Variants in CDON observed in about 807,000 individuals in gnomAD.
CDON encodes cell adhesion molecule-related/down-regulated by oncogenes.
A neutral mutation model predicts 120.9 loss-of-function variants in CDON; 73 were observed. The observed-to-expected ratio is 0.60, with a 90% CI of 0.50 to 0.73. The LOEUF (loss-of-function observed/expected upper bound fraction) is 0.73. CDON is among the 30% of genes least tolerant of loss of function. CDON has a pLI of 0.00. For missense variants in CDON, 1,470 were observed against 1,587.3 expected (o/e 0.93, Z 1.26); for synonymous variants, 566 against 573.5 (o/e 0.99, Z 0.19).
intron 18 of CDON, among the ~76,000 whole-genome samples, chr11:125,967,949 T>C (rs1277265773): frequency 6.6e-6 from 1 of 152,344 alleles, no homozygotes; most frequent in East Asian, 1.9e-4. Flanking sequence ...CTTGAACTCC[T>C]AGGCTCAGGC....
At position 126,053,358 on chromosome 11, in the gene CDON, T is replaced by C. The variant is rs182414761; in HGVS notation, c.-62+9221A>G. Among the ~76,000 whole-genome samples the C allele has an allele frequency of 7.9e-5, 12 of 152,310 alleles. No individual in the cohort carries two copies. The East Asian group carries it at 2.3e-3, about 29-fold the overall frequency. On this transcript the variant is annotated intron_variant, in intron 1 of 19. Coordinates refer to ENST00000531738, the MANE Select transcript of CDON (RefSeq NM_001378964.1). The stretch of plus-strand genomic sequence containing the variant: ...CAGATTTAGTAGTCCCAGGGTTTAC[T>C]GGAACTACTGCTCGGATGCTAGGAC...
At chr11:125,963,426 G>A (rs953213652) in intron 18 of CDON, among the ~76,000 whole-genome samples, 5 of 152,264 alleles carry the variant, frequency 3.3e-5, no homozygotes, top group African/African-American at 1.2e-4. Context: ...GCTAGATAAC[G>A]TTAGGCAATG....
chr11:126,039,060 A>C (rs919481673), intron 1 of CDON, among the ~76,000 whole-genome samples: 5 of 152,224 alleles, frequency 3.3e-5, no homozygotes, highest in Admixed American at 2.6e-4. Context: ...CCCTAAAACG[A>C]AGAGAGCTAT....
intron 7 of CDON, among the ~76,000 whole-genome samples, chr11:126,014,009 CT>C (rs1488296743): frequency 6.6e-6 from 1 of 151,914 alleles, no homozygotes; most frequent in Non-Finnish European, 1.5e-5. Context: ...ATTATGATTT[CT>C]TTTTTTGATC....
chr11:126,030,894 C>T (rs1236302460), intron 1 of CDON, among the ~76,000 whole-genome samples: 1 of 152,168 alleles, frequency 6.6e-6, no homozygotes, highest in Non-Finnish European at 1.5e-5. Context: ...TCATTTCCTA[C>T]ACAAACTTCT....
chr11:126,053,339 T>G (rs1948611297), intron 1 of CDON, among the ~76,000 whole-genome samples: 1 of 152,212 alleles, frequency 6.6e-6, no homozygotes, highest in Non-Finnish European at 1.5e-5. Context: ...CCTCCAGATT[T>G]AGTAGTCCCA....
chr11:125,972,027 G>A (rs747385374), intron 18 of CDON, among the ~76,000 whole-genome samples: 24 of 152,182 alleles, frequency 1.6e-4, no homozygotes, highest in Non-Finnish European at 3.1e-4. Context: ...ATGGCACAAG[G>A]ATTTCTTGAT....
intron 1 of CDON, among the ~76,000 whole-genome samples, chr11:126,037,394 C>T (rs1235991699): frequency 6.6e-6 from 1 of 152,080 alleles, no homozygotes; most frequent in Non-Finnish European, 1.5e-5. Flanking sequence ...CCCACTGCAC[C>T]CAGCCCATTC....
intron 1 of CDON, among the ~76,000 whole-genome samples, chr11:126,055,677 T>A (rs1565560375): frequency 6.6e-6 from 1 of 152,176 alleles, no homozygotes; most frequent in Non-Finnish European, 1.5e-5. Flanking sequence ...CATTTATTAA[T>A]GTTTACATAT....
At chr11:125,987,819 C>G (rs1466807181) in intron 15 of CDON, among the ~76,000 whole-genome samples, 3 of 152,118 alleles carry the variant, frequency 2.0e-5, no homozygotes, top group Non-Finnish European at 2.9e-5. Flanking sequence ...ATATGCTAAA[C>G]AAATGAAATT....
chr11:126,002,410 A>C (rs1186771879), intron 10 of CDON, among the ~76,000 whole-genome samples: 1 of 152,226 alleles, frequency 6.6e-6, no homozygotes, highest in Non-Finnish European at 1.5e-5. Flanking sequence ...TTTTCTGGCC[A>C]GACTTAGTAA....
chr11:125,999,756 T>A (rs1034337150), intron 11 of CDON, among the ~76,000 whole-genome samples: 1 of 152,084 alleles, frequency 6.6e-6, no homozygotes, highest in Non-Finnish European at 1.5e-5. Flanking sequence ...TCCCCTTATT[T>A]CTCTAGCCTT....
At chr11:126,059,099 C>T (rs932063486) in intron 1 of CDON, among the ~76,000 whole-genome samples, 1 of 152,192 alleles carries the variant, frequency 6.6e-6, no homozygotes, top group Non-Finnish European at 1.5e-5. Flanking sequence ...ACTGCAAAAC[C>T]ATTTGTTTCA....
chr11:126,019,931 A>C (rs1947585387), intron 3 of CDON, among the ~76,000 whole-genome samples, 166 bp from the exon 4 acceptor site: 1 of 151,976 alleles, frequency 6.6e-6, no homozygotes, highest in Non-Finnish European at 1.5e-5. Context: ...CAGCTGGGGC[A>C]AGCTACTCAG....
intron 11 of CDON, among the ~76,000 whole-genome samples, chr11:125,998,569 T>C (rs1946853313): frequency 3.3e-5 from 5 of 152,002 alleles, no homozygotes; most frequent in Admixed American, 3.3e-4. Flanking sequence ...ATGAGCCAAA[T>C]AAACCTCTTT....
intron 1 of CDON, among the ~76,000 whole-genome samples, chr11:126,054,194 C>T (rs1948632987): frequency 6.6e-6 from 1 of 152,068 alleles, no homozygotes; most frequent in Non-Finnish European, 1.5e-5. Context: ...CTGTAAAAAG[C>T]CAGTAACTGT....
At chr11:126,047,753 G>C (rs141878795) in intron 1 of CDON, among the ~76,000 whole-genome samples, 242 of 152,202 alleles carry the variant, frequency 1.6e-3, no homozygotes, top group Admixed American at 3.3e-3. Context: ...TTTGACTCCA[G>C]GCTCTCTGAC....
intron 1 of CDON, among the ~76,000 whole-genome samples, chr11:126,055,705 A>G (rs1211860605): frequency 6.6e-6 from 1 of 152,210 alleles, no homozygotes; most frequent in Non-Finnish European, 1.5e-5. Context: ...TGTAGGAATG[A>G]ATAAATAACT....
chr11:126,024,582 AGAGG>A (rs148655219), intron 1 of CDON, among the ~76,000 whole-genome samples: 11,398 of 152,234 alleles, frequency 0.075, 559 homozygotes, highest in East Asian at 0.12. Flanking sequence ...GAGACAGAAG[AGAGG>A]GTTCATCACT....
Sources: allele counts gnomAD v4.1 joint callset (sites outside exome capture counted in the v4.1 genomes callset), GRCh38; gene constraint gnomAD v4.1.1; transcripts MANE v1.5; gene names NCBI Gene and HGNC (gene_info 2026-07-23, HGNC 2026-07-21).